LRMDA: variants seen among roughly 807,000 people sequenced by gnomAD.
LRMDA encodes the protein leucine-rich melanocyte differentiation-associated protein.
LRMDA carries 18 observed loss-of-function variants against 29.8 expected under a neutral mutation model. The ratio of observed to expected loss-of-function variants is 0.60; its 90% CI spans 0.42 to 0.90. LRMDA has a LOEUF of 0.90. LRMDA is among the 40% of genes least tolerant of loss of function. The pLI, the probability that LRMDA is intolerant of heterozygous loss-of-function variation, is 0.00. For synonymous variants in LRMDA, 125 were observed against 109.4 expected, an observed-to-expected ratio of 1.14 and a Z score of -0.89; for missense variants, 273 against 273.9, an observed-to-expected ratio of 1.00 and a Z score of 0.02.
intron 6 of LRMDA, among the ~76,000 whole-genome samples, chr10:76,472,201 G>A (rs1028530947): frequency 1.3e-5 from 2 of 151,630 alleles, no homozygotes; most frequent in African/African-American, 4.8e-5. Flanking sequence ...AAATTTAACT[G>A]GGTAAATCAT....
chr10:76,016,565 C>T (rs1589290253), intron 2 of LRMDA, among the ~76,000 whole-genome samples: 1 of 152,258 alleles, frequency 6.6e-6, no homozygotes, highest in South Asian at 2.1e-4. Context: ...GTGACATCAT[C>T]ATTGGGACTG....
intron 2 of LRMDA, among the ~76,000 whole-genome samples, chr10:75,975,007 A>T (rs1029038032): frequency 6.6e-6 from 1 of 152,246 alleles, no homozygotes. Context: ...TGTACAAGCT[A>T]TGACAGATGA....
At chr10:75,682,952 C>A (rs756208685) in intron 2 of LRMDA, among the ~76,000 whole-genome samples, 1 of 152,184 alleles carries the variant, frequency 6.6e-6, no homozygotes, top group Admixed American at 6.5e-5. Context: ...TAAAGCATAT[C>A]CATCCCCAGG....
chr10:75,723,976 T>C (rs1465317280), intron 2 of LRMDA, among the ~76,000 whole-genome samples: 1 of 152,226 alleles, frequency 6.6e-6, no homozygotes, highest in South Asian at 2.1e-4. Context: ...GAGTATCGGA[T>C]TGTTTGTCCA....
intron 2 of LRMDA, among the ~76,000 whole-genome samples, chr10:75,545,325 TG>T (rs761820872): frequency 2.0e-5 from 3 of 152,136 alleles, no homozygotes; most frequent in African/African-American, 7.2e-5. Context: ...GGAGCTGGTC[TG>T]GGGGGTTGGG....
At chr10:75,448,895 T>C (rs2132029539) in intron 2 of LRMDA, among the ~76,000 whole-genome samples, 1 of 152,320 alleles carries the variant, frequency 6.6e-6, no homozygotes, top group Non-Finnish European at 1.5e-5. Flanking sequence ...CTCACGCCTA[T>C]AATCCCAGCA....
rs187874652 is a variant in LRMDA, at chr10:76,224,881, T to A, written c.517-99520T>A. Among the ~76,000 whole-genome samples the A allele has an allele frequency of 1.6e-3, 239 of 152,086 alleles. 1 individual carries two copies. Among genetic ancestry groups the A allele is most frequent in the African/African-American group, 5.6e-3 (232 of 41,492 alleles). ...TTCCTTGTCCCCCTACCCCTTTACA[T>A]CCAAGTTTTGGATGCTTTTTCTTAA... On this transcript the variant is annotated intron_variant, in intron 5 of 6. Transcript: ENST00000611255.
chr10:75,594,478 T>G (rs1840761817), intron 2 of LRMDA, among the ~76,000 whole-genome samples: 1 of 152,220 alleles, frequency 6.6e-6, no homozygotes, highest in African/African-American at 2.4e-5. Context: ...GTGCTGCCTT[T>G]TCTTCTTGGG....
chr10:76,061,287 A>G (rs1848697937), intron 5 of LRMDA, among the ~76,000 whole-genome samples: 2 of 152,180 alleles, frequency 1.3e-5, no homozygotes. Flanking sequence ...AAACAAATAC[A>G]TATTCTTACT....
chr10:76,370,288 T>C (rs1841439121), intron 6 of LRMDA, among the ~76,000 whole-genome samples: 1 of 152,160 alleles, frequency 6.6e-6, no homozygotes, highest in Non-Finnish European at 1.5e-5. Context: ...TATAAAGAGC[T>C]GCCAGCCTGG....
At chr10:75,979,234 A>G (rs1033138887) in intron 2 of LRMDA, among the ~76,000 whole-genome samples, 3 of 152,222 alleles carry the variant, frequency 2.0e-5, no homozygotes, top group Non-Finnish European at 4.4e-5. Context: ...AATGATTACA[A>G]TAGATGACAT....
At chr10:76,488,150 A>C (rs1284345582) in intron 6 of LRMDA, among the ~76,000 whole-genome samples, 1 of 151,876 alleles carries the variant, frequency 6.6e-6, no homozygotes, top group African/African-American at 2.4e-5. Flanking sequence ...TAAAAATTTT[A>C]TAACACTAGA....
At chr10:75,659,854 C>T (rs1288542354) in intron 2 of LRMDA, among the ~76,000 whole-genome samples, 1 of 151,930 alleles carries the variant, frequency 6.6e-6, no homozygotes, top group Non-Finnish European at 1.5e-5. Flanking sequence ...CTTTTTTCTT[C>T]TTTCTCTTTT....
chr10:75,611,540 C>T (rs527459060), intron 2 of LRMDA, among the ~76,000 whole-genome samples: 63 of 152,324 alleles, frequency 4.1e-4, no homozygotes, highest in Middle Eastern at 3.4e-3. Flanking sequence ...CTCCTCCCCT[C>T]AGCCCCAGGC....
intron 2 of LRMDA, chr10:75,782,851 T>G: frequency 6.5e-7 from 1 of 1,530,430 alleles, no homozygotes; most frequent in Non-Finnish European, 8.8e-7. Flanking sequence ...TTTAGTTTTA[T>G]TCTTTTTCCC....
At chr10:76,363,149 G>GA (rs1278701159) in intron 6 of LRMDA, among the ~76,000 whole-genome samples, 14 of 37,534 alleles carry the variant, frequency 3.7e-4, no homozygotes, top group African/African-American at 1.6e-3. Context: ...AAGAAAGAAA[G>GA]AAAGAAAGAA....
chr10:75,468,601 G>T (rs571792152), intron 2 of LRMDA, among the ~76,000 whole-genome samples: 6 of 152,302 alleles, frequency 3.9e-5, no homozygotes, highest in Non-Finnish European at 7.3e-5. Context: ...CTGAAGTGAT[G>T]CTAGTCACTT....
intron 2 of LRMDA, among the ~76,000 whole-genome samples, chr10:75,749,732 A>G (rs1214751415): frequency 1.3e-5 from 2 of 152,096 alleles, no homozygotes; most frequent in South Asian, 2.1e-4. Flanking sequence ...GCAGATAAAC[A>G]TGTGAACAAG....
chr10:75,578,009 T>C (rs1209039903), intron 2 of LRMDA, among the ~76,000 whole-genome samples: 1 of 151,912 alleles, frequency 6.6e-6, no homozygotes, highest in African/African-American at 2.4e-5. Flanking sequence ...GCTAGCATCA[T>C]AATGGCAGGA....
Sources: gnomAD v4.1 joint callset for allele counts (sites outside exome capture counted in the v4.1 genomes callset) on GRCh38, gnomAD v4.1.1 for gene constraint, MANE v1.5 for transcripts, NCBI Gene and HGNC (gene_info 2026-07-23, HGNC 2026-07-21) for gene names.